Variants in IMPA2 observed in about 807,000 individuals in gnomAD.
IMPA2 encodes the protein inositol monophosphatase 2, also known as IMP 2.
A neutral mutation model predicts 35.1 loss-of-function variants in IMPA2; 32 were observed. That is an observed-to-expected ratio of 0.91 (90% CI 0.69 to 1.23). The LOEUF (loss-of-function observed/expected upper bound fraction) is 1.23. Ranked by LOEUF, IMPA2 falls within the 50% of genes most tolerant of loss-of-function variation. The pLI, the probability that IMPA2 is intolerant of heterozygous loss-of-function variation, is 0.00. For synonymous variants in IMPA2, 135 were observed against 160.6 expected (o/e 0.84, Z 1.20); for missense variants, 334 against 387.6 (o/e 0.86, Z 1.16).
intron 5 of IMPA2, chr18:12,017,724 G>A (rs1568036421): frequency 3.0e-6 from 1 of 338,074 alleles, no homozygotes; most frequent in East Asian, 1.2e-4. Flanking sequence ...GAGTAGCTGG[G>A]ACTACAGGCA....
intron 5 of IMPA2, among the ~76,000 whole-genome samples, chr18:12,019,096 A>T (rs1907659615): frequency 1.3e-5 from 2 of 152,122 alleles, no homozygotes; most frequent in South Asian, 4.1e-4. Context: ...AAAGTGCTGG[A>T]ATTACAGGTG....
intron 1 of IMPA2, among the ~76,000 whole-genome samples, chr18:11,983,975 C>T (rs1290550077): frequency 1.3e-5 from 2 of 152,102 alleles, no homozygotes; most frequent in African/African-American, 4.8e-5. Flanking sequence ...AGTCGCAGGG[C>T]CCCCAGATGC....
intron 1 of IMPA2, among the ~76,000 whole-genome samples, chr18:11,996,822 A>G (rs781474951): frequency 2.6e-5 from 4 of 151,892 alleles, no homozygotes; most frequent in Admixed American, 6.6e-5. Flanking sequence ...CCCCAGCTCT[A>G]TGCACACACT....
intron 5 of IMPA2, among the ~76,000 whole-genome samples, chr18:12,018,671 C>A (rs1040823984): frequency 3.9e-5 from 6 of 152,202 alleles, no homozygotes; most frequent in African/African-American, 1.2e-4. Flanking sequence ...GGGAACTAAT[C>A]ATATTTTCCA....
chr18:11,998,498 T>C lies in IMPA2; in HGVS notation c.97-556T>C, dbSNP rs543043982. ...CATGGTTCCTGAAACACAGTTTAGC[T>C]CTCCCGGGTTTCTCAGTGGGAACAT... On this transcript the variant is annotated intron_variant, in intron 1 of 7. Transcript: ENST00000269159. 1.2e-4 allele frequency among the ~76,000 whole-genome samples: 19 copies of C among 152,202 alleles called. No individual in the cohort carries two copies. The South Asian group carries it at 1.5e-3, about 12-fold the overall frequency.
chr18:12,004,291 G>A (rs986392738), intron 2 of IMPA2, among the ~76,000 whole-genome samples: 1 of 152,092 alleles, frequency 6.6e-6, no homozygotes, highest in Non-Finnish European at 1.5e-5. Flanking sequence ...AAGAAAGAAA[G>A]AAAAAAGGGG....
chr18:12,008,294 C>G (rs1568033205), intron 2 of IMPA2: 1 of 514,464 alleles, frequency 1.9e-6, no homozygotes, highest in Admixed American at 2.0e-5. Context: ...CCGCGCCTTG[C>G]TTGTTTTTCA....
chr18:12,020,070 T>G (rs1049910670), intron 5 of IMPA2, among the ~76,000 whole-genome samples: 2 of 151,884 alleles, frequency 1.3e-5, no homozygotes, highest in Non-Finnish European at 1.5e-5. Flanking sequence ...AAGACAGGAT[T>G]TCACCATGTT....
At chr18:12,012,914 A>G (rs1041858991) in intron 4 of IMPA2, among the ~76,000 whole-genome samples, 1 of 152,256 alleles carries the variant, frequency 6.6e-6, no homozygotes, top group African/African-American at 2.4e-5. Flanking sequence ...TGAGAGAAGT[A>G]CTTAAGTTGA....
chr18:11,993,743 A>G lies in IMPA2; in HGVS notation c.97-5311A>G, dbSNP rs1232172812. ...GTAGATGGAGGCTGAGAGCACAGAC[A>G]GGCAGAAGGTGGCCAGGGATGTCAT... On this transcript the variant is annotated intron_variant, in intron 1 of 7. Coordinates refer to ENST00000269159, the MANE Select transcript of IMPA2 (RefSeq NM_014214.3). 1.1e-4 allele frequency among the ~76,000 whole-genome samples: 17 copies of G among 152,330 alleles called. 1 individual carries two copies. Among genetic ancestry groups the G allele is most frequent in the African/African-American group, 4.1e-4 (17 of 41,574 alleles).
chr18:12,030,515 G>A lies in IMPA2; in HGVS notation c.*57G>A, dbSNP rs538346400. The A allele has an allele frequency of 5.5e-4, 792 of 1,440,476 alleles. 1 individual carries two copies. The highest frequency in any genetic ancestry group is 2.6e-3 in the Middle Eastern group (15 of 5,706). 89.2% of individuals were successfully genotyped at this position (1,440,476 alleles called of 1,614,324 possible). A position where few individuals can be genotyped will look rare whatever the true frequency, so the allele number is the denominator to read the frequency against. On this transcript the variant is annotated 3_prime_UTR_variant, in exon 8 of 8. Coordinates refer to ENST00000269159, the MANE Select transcript of IMPA2 (RefSeq NM_014214.3). ...TCCCTGGGCTGCTGTGGGCTCCTGGGGAGGTGGCCCTCGTGGCCCACGCTC... is the reference window on the plus strand; with the variant it reads ...TCCCTGGGCTGCTGTGGGCTCCTGGAGAGGTGGCCCTCGTGGCCCACGCTC...
Position 12,028,150 on chromosome 18 carries a change from G to A in IMPA2, c.598G>A (p.Gly200Arg). 6.2e-7 allele frequency: 1 copy of A among 1,602,842 alleles called. No homozygotes were observed. Among genetic ancestry groups the A allele is most frequent in the Non-Finnish European group, 8.5e-7 (1 of 1,169,820 alleles). Reference protein sequence around the residue: ...MERLLHAKAHGVRVIGSSTLA... With the variant: ...MERLLHAKAHRVRVIGSSTLA... ...GCGGCTGCTGCATGCCAAGGCGCAT[G>A]GGTAGGAGGTTCAGTTCGGGGAACA... Residue 200 changes from glycine to arginine, a missense_variant and splice_region_variant, in exon 6 of 8, where the codon GGG (glycine) becomes AGG (arginine). Transcript: ENST00000269159.
rs1555647332 is a variant in IMPA2 at position 12,027,590 on chromosome 18, T to TTTA, written c.491-453_491-452insTTA. 1.3e-3 allele frequency among the ~76,000 whole-genome samples: 162 copies of TTTA among 129,058 alleles called. 2 individuals carry two copies. Among genetic ancestry groups the TTTA allele is most frequent in the South Asian group, 8.8e-3 (31 of 3,514 alleles). The allele number at this position is 129,058 out of a possible 152,430, so 84.7% of individuals were successfully genotyped here. ...TGATTTTTTTTTTTTTTTTTTTTTT[T>TTTA]AAAGAAACAGGGACTTGCTCTGTCC... On this transcript the variant is annotated intron_variant, in intron 5 of 7. Transcript: ENST00000269159.
chr18:11,982,831 T>C (rs1049622392), intron 1 of IMPA2, among the ~76,000 whole-genome samples: 4 of 151,964 alleles, frequency 2.6e-5, no homozygotes, highest in African/African-American at 9.7e-5. Flanking sequence ...TCGGGGATTT[T>C]AGAGACAGGA....
chr18:11,992,341 A>G (rs62099891), intron 1 of IMPA2, among the ~76,000 whole-genome samples: 9,123 of 152,226 alleles, frequency 0.06, 362 homozygotes, highest in Non-Finnish European at 0.088. Context: ...TTGAAACTGC[A>G]CTCTGGCAAG....
intron 5 of IMPA2, chr18:12,017,573 G>A (rs1183417462): frequency 9.4e-6 from 4 of 426,874 alleles, no homozygotes; most frequent in South Asian, 5.0e-5. Flanking sequence ...GTGCTAGGAA[G>A]TACGTATTTT....
intron 2 of IMPA2, among the ~76,000 whole-genome samples, chr18:12,004,774 C>T (rs1046078594): frequency 6.6e-6 from 1 of 152,202 alleles, no homozygotes; most frequent in African/African-American, 2.4e-5. Flanking sequence ...ATCCACCCAC[C>T]TCAGCCTCCC....
chr18:12,022,270 G>A (rs556787039), intron 5 of IMPA2, among the ~76,000 whole-genome samples: 34 of 152,020 alleles, frequency 2.2e-4, no homozygotes, highest in East Asian at 7.7e-4. Context: ...GGTGGCTCAC[G>A]CCTGTAATCC....
chr18:11,984,313 C>G (rs1598679301), intron 1 of IMPA2, among the ~76,000 whole-genome samples: 1 of 152,352 alleles, frequency 6.6e-6, no homozygotes, highest in East Asian at 1.9e-4. Flanking sequence ...GTTCCAGCCA[C>G]CCACACTGTG....
Sources: gnomAD v4.1 joint callset for allele counts (sites outside exome capture counted in the v4.1 genomes callset) on GRCh38, gnomAD v4.1.1 for gene constraint, MANE v1.5 for transcripts, NCBI Gene and HGNC (gene_info 2026-07-23, HGNC 2026-07-21) for gene names.